TIMP1: variants seen among roughly 807,000 people sequenced by gnomAD.
The protein encoded by TIMP1 is TIMP metallopeptidase inhibitor 1, also known as metalloproteinase inhibitor 1.
TIMP1 carries 5 observed loss-of-function variants against 13.7 expected under a neutral mutation model. That is an observed-to-expected ratio of 0.36 (90% CI 0.19 to 0.76). TIMP1 has a LOEUF of 0.76. TIMP1 is among the 30% of genes least tolerant of loss of function. The pLI, the probability that TIMP1 is intolerant of heterozygous loss-of-function variation, is 0.51. For synonymous variants in TIMP1, 63 were observed against 67.1 expected, an observed-to-expected ratio of 0.94 and a Z score of 0.30; for missense variants, 131 against 168.4, an observed-to-expected ratio of 0.78 and a Z score of 1.23.
Position 47,582,489 on chromosome X carries a change from G to A in TIMP1, c.-9+15G>A, listed in dbSNP as rs2057802604. On this transcript the variant is annotated intron_variant, in intron 1 of 5. Coordinates refer to ENST00000218388, the MANE Select transcript of TIMP1 (RefSeq NM_003254.3). ...AGACACCAGAGGTAAGCAGGGCCCG[G>A]GGTGGCCCAGCAGGGACCGGAGCTG... is the stretch of plus-strand genomic sequence containing the variant. 3 of 296,821 alleles carry A rather than the reference G, an allele frequency of 1.0e-5. No homozygotes were observed. The Admixed American group carries it at 1.2e-4, about 11-fold the overall frequency. The allele number at this position is 296,821 out of a possible 1,213,427, so 24.5% of individuals were successfully genotyped here.
intron 4 of TIMP1, 75 bp from the exon 5 acceptor site, chrX:47,585,468 G>A (rs780022549): frequency 8.4e-7 from 1 of 1,191,588 alleles, no homozygotes; most frequent in Admixed American, 2.3e-5. Context: ...CTATCAGAAG[G>A]CCGGGCCTTT....
Position 47,583,326 on chromosome X carries a change from C to T in TIMP1, c.-8-82C>T, listed in dbSNP as rs780925021. On this transcript the variant is annotated intron_variant, in intron 1 of 5. Coordinates refer to ENST00000218388, the MANE Select transcript of TIMP1 (RefSeq NM_003254.3). Reference sequence around the variant, plus strand: ...CCCTAATCCCCCCCATAGGCTGCCCCGGGGCAAGATGGGGTGGATGACCTG... The same window carrying T: ...CCCTAATCCCCCCCATAGGCTGCCCTGGGGCAAGATGGGGTGGATGACCTG... The T allele has an allele frequency of 5.0e-5, 49 of 971,280 alleles. No homozygotes were observed. The East Asian group carries it at 9.1e-4, about 18-fold the overall frequency. The allele number at this position is 971,280 out of a possible 1,213,427, so 80.0% of individuals were successfully genotyped here.
rs886136735 is a variant in TIMP1 at position 47,585,325 on chromosome X, A to T, written c.322A>T (p.Ile108Phe). ...RSHNRSEEFL[I>F]AGKLQDGLLH... ...CCACAACCGCAGCGAGGAGTTTCTC[A>T]TTGCTGGTGAGGCACCGTCCCCGCG... is the stretch of plus-strand genomic sequence containing the variant. Residue 108 changes from isoleucine (I) to phenylalanine (F), a missense_variant, in exon 4 of 6, where the codon ATT (isoleucine) becomes TTT (phenylalanine). Coordinates refer to ENST00000218388, the MANE Select transcript of TIMP1 (RefSeq NM_003254.3). 2 of 1,211,462 alleles carry T rather than the reference A, an allele frequency of 1.7e-6. No homozygotes were observed. The highest frequency in any genetic ancestry group is 2.2e-6 in the Non-Finnish European group (2 of 895,282).
intron 5 of TIMP1, 102 bp from the exon 6 acceptor site, chrX:47,586,419 A>T: frequency 8.9e-7 from 1 of 1,123,213 alleles, no homozygotes; most frequent in South Asian, 2.1e-5. Context: ...GGTGAGAGCA[A>T]GTCTCCCCAG....
Position 47,585,529 on chromosome X carries a change from G to A in TIMP1, c.329-14G>A, listed in dbSNP as rs764612457. ...CAAGCTGCTTGTCGGTCCCCGCCCCGCCTTTCTCCTTAGGAAAACTGCAGG... is the reference window on the plus strand; with the variant it reads ...CAAGCTGCTTGTCGGTCCCCGCCCCACCTTTCTCCTTAGGAAAACTGCAGG... On this transcript the variant is annotated splice_polypyrimidine_tract_variant and intron_variant, in intron 4 of 5. Transcript: ENST00000218388. The A allele has an allele frequency of 3.2e-5, 38 of 1,198,558 alleles. No homozygotes were observed. Among genetic ancestry groups the A allele is most frequent in the East Asian group, 6.0e-5 (2 of 33,547 alleles).
intron 5 of TIMP1, chrX:47,586,204 C>T (rs2057825404): frequency 4.0e-6 from 3 of 753,478 alleles, no homozygotes; most frequent in Non-Finnish European, 4.7e-6. Context: ...ACTCCTTAGC[C>T]GCCAACCGGG....
chrX:47,586,242 C>T, intron 5 of TIMP1: 2 of 751,606 alleles, frequency 2.7e-6, no homozygotes, highest in Non-Finnish European at 3.1e-6. Flanking sequence ...GCCAGTTTTT[C>T]CCTGTCCTTT....
chrX:47,586,276 C>T (rs2057825950), intron 5 of TIMP1: 10 of 754,508 alleles, frequency 1.3e-5, no homozygotes, highest in Non-Finnish European at 1.6e-5. Context: ...AGGCGACCTG[C>T]CTGACTGACC....
Position 47,584,918 on chromosome X carries a change from T to A in TIMP1, c.122-18T>A, listed in dbSNP as rs1234489460. The A allele has an allele frequency of 8.3e-7, 1 of 1,199,652 alleles. No homozygotes were observed. The highest frequency in any genetic ancestry group is 1.8e-5 in the South Asian group (1 of 56,235). ...CTCATGCAGTCCATTTGACTCATAT[T>A]TCCCTCCTCTCCTGCAGTCATCAGG... On this transcript the variant is annotated intron_variant, in intron 2 of 5. Transcript: ENST00000218388.
At chrX:47,584,208 TATTGAGGATGATCAGAG>T (rs1278103568) in intron 2 of TIMP1, among the ~76,000 whole-genome samples, 24 of 107,358 alleles carry the variant, frequency 2.2e-4, no homozygotes, top group Admixed American at 1.3e-3. Context: ...GATGATCAGG[TATTGAGGATGATCAGAG>T]ATTGAGGATG....
Position 47,583,656 on chromosome X carries a change from T to C in TIMP1, c.121+120T>C, listed in dbSNP as rs1463399402. On this transcript the variant is annotated intron_variant, in intron 2 of 5. Transcript: ENST00000218388. ...ACTCGCCCCTGCACTTCCTCTGCTT[T>C]AGCCACACTGGCATCCTCACACTTC... The C allele has an allele frequency of 9.6e-6, 8 of 831,074 alleles. No individual in the cohort carries two copies. The Admixed American group carries it at 1.4e-4, about 15-fold the overall frequency. The allele number at this position is 831,074 out of a possible 1,213,427, so 68.5% of individuals were successfully genotyped here.
At chrX:47,584,007 T>A (rs2057811509) in intron 2 of TIMP1, among the ~76,000 whole-genome samples, 2 of 111,335 alleles carry the variant, frequency 1.8e-5, no homozygotes, top group Admixed American at 1.9e-4. Flanking sequence ...GAATATAGCA[T>A]GGGCCAGTGG....
chrX:47,586,202 G>C, intron 5 of TIMP1: 2 of 753,405 alleles, frequency 2.7e-6, no homozygotes, highest in Non-Finnish European at 3.1e-6. Context: ...AAACTCCTTA[G>C]CCGCCAACCG....
rs374544466 is a variant in TIMP1, at chrX:47,586,576, G to A, written c.509G>A (p.Trp170Ter). 9.9e-6 allele frequency: 12 copies of A among 1,210,600 alleles called. No homozygotes were observed. Among genetic ancestry groups the A allele is most frequent in the Admixed American group, 2.2e-5 (1 of 45,900 alleles). ...CKLQSGTHCL[W>*]TDQLLQGSEK... ...CTGCAGAGTGGCACTCATTGCTTGTGGACGGACCAGCTCCTCCAAGGCTCT... is the reference window on the plus strand; with the variant it reads ...CTGCAGAGTGGCACTCATTGCTTGTAGACGGACCAGCTCCTCCAAGGCTCT... Residue 170 changes from tryptophan to a stop codon, truncating the protein, a stop_gained, in exon 6 of 6, where the codon TGG becomes TAG. Coordinates refer to ENST00000218388, the MANE Select transcript of TIMP1 (RefSeq NM_003254.3). LOFTEE classifies it high-confidence loss of function.
In TIMP1 at chrX:47,585,268, A is replaced by G. The variant is rs1300025986; in HGVS notation, c.265A>G (p.Met89Val). 1.7e-6 allele frequency: 2 copies of G among 1,210,718 alleles called. No individual in the cohort carries two copies. The highest frequency in any genetic ancestry group is 4.3e-5 in the Admixed American group (2 of 45,994). ...ADIRFVYTPA[M>V]ESVCGYFHRS... ...CATCCGGTTCGTCTACACCCCCGCC[A>G]TGGAGAGTGTCTGCGGATACTTCCA... The change falls in exon 4 of 6, where the codon ATG becomes GTG. Residue 89 changes from methionine to valine, a missense_variant. Transcript: ENST00000218388.
Position 47,585,351 on chromosome X carries a change from C to T in TIMP1, c.328+20C>T, listed in dbSNP as rs776391392. Reference sequence around the variant, plus strand: ...TTGCTGGTGAGGCACCGTCCCCGCGCCCTGTGCCACACCAACCAGTCCCTG... The same window carrying T: ...TTGCTGGTGAGGCACCGTCCCCGCGTCCTGTGCCACACCAACCAGTCCCTG... On this transcript the variant is annotated intron_variant, in intron 4 of 5. Coordinates refer to ENST00000218388, the MANE Select transcript of TIMP1 (RefSeq NM_003254.3). The T allele has an allele frequency of 2.8e-5, 34 of 1,211,129 alleles. No individual in the cohort carries two copies. The highest frequency in any genetic ancestry group is 3.8e-5 in the Non-Finnish European group (34 of 895,137).
chrX:47,585,350 G>A lies in TIMP1; in HGVS notation c.328+19G>A, dbSNP rs768138714. On this transcript the variant is annotated intron_variant, in intron 4 of 5. Transcript: ENST00000218388. ...ATTGCTGGTGAGGCACCGTCCCCGC[G>A]CCCTGTGCCACACCAACCAGTCCCT... The A allele has an allele frequency of 3.2e-5, 39 of 1,209,155 alleles. No individual in the cohort carries two copies. In the South Asian group the frequency reaches 5.6e-4, roughly 18 times the overall value.
chrX:47,582,622 G>A (rs1346733321), intron 1 of TIMP1, 148 bp downstream of exon 1: 2 of 352,972 alleles, frequency 5.7e-6, no homozygotes, highest in South Asian at 5.2e-5. Context: ...CTAGGGGGAA[G>A]AGGGTCGGAG....
rs1603060563 is a variant in TIMP1 at position 47,586,744 on chromosome X, T to A, written c.*53T>A. Reference sequence around the variant, plus strand: ...TGCACAGTGTCCACCCTGTTCCCACTCCCATCTTTCTTCCGGACAATGAAA... The same window carrying A: ...TGCACAGTGTCCACCCTGTTCCCACACCCATCTTTCTTCCGGACAATGAAA... On this transcript the variant is annotated 3_prime_UTR_variant, in exon 6 of 6. Coordinates refer to ENST00000218388, the MANE Select transcript of TIMP1 (RefSeq NM_003254.3). 1 of 1,156,894 alleles carries A rather than the reference T, an allele frequency of 8.6e-7. No individual in the cohort carries two copies. The highest frequency in any genetic ancestry group is 3.0e-5 in the East Asian group (1 of 33,390).
Sources: gnomAD v4.1 joint callset for allele counts (sites outside exome capture counted in the v4.1 genomes callset) on GRCh38, gnomAD v4.1.1 for gene constraint, MANE v1.5 for transcripts, NCBI Gene and HGNC (gene_info 2026-07-23, HGNC 2026-07-21) for gene names.